JMY: variants seen among roughly 807,000 people sequenced by gnomAD.
JMY encodes the protein junction mediating and regulatory protein, p53 cofactor, also known as junction-mediating and -regulatory protein.
A neutral mutation model predicts 103.3 loss-of-function variants in JMY; 46 were observed. That is an observed-to-expected ratio of 0.45 (90% CI 0.35 to 0.57). The LOEUF (loss-of-function observed/expected upper bound fraction) is 0.57. Ranked by LOEUF, JMY falls within the 20% of genes least tolerant of loss-of-function variation. JMY has a pLI of 0.00. For synonymous variants in JMY, 526 were observed against 489.3 expected (o/e 1.07, Z -0.99); for missense variants, 1,238 against 1,255.2 (o/e 0.99, Z 0.21).
rs192209591 is a variant in JMY, at chr5:79,308,245, C to G, written c.1968+1784C>G. 1.7e-3 allele frequency among the ~76,000 whole-genome samples: 261 copies of G among 152,292 alleles called. 1 individual carries two copies. The highest frequency in any genetic ancestry group is 3.0e-3 in the African/African-American group (126 of 41,562). ...ACAAAGTCCAATTTACCAGCACTTT[C>G]TATCATGGTTCATTCCTTTGGTGTT... On this transcript the variant is annotated intron_variant, in intron 7 of 10. Coordinates refer to ENST00000396137, the MANE Select transcript of JMY (RefSeq NM_152405.5).
intron 2 of JMY, chr5:79,284,385 C>T (rs182733857): frequency 6.8e-6 from 9 of 1,314,300 alleles, no homozygotes; most frequent in Non-Finnish European, 8.7e-6. Flanking sequence ...TCTTTCAAGG[C>T]ATTTGTCTGC....
At chr5:79,286,330 A>T (rs7710834) in intron 2 of JMY, among the ~76,000 whole-genome samples, 3,222 of 152,004 alleles carry the variant, frequency 0.021, 135 homozygotes, top group African/African-American at 0.071. Context: ...TTAAAAAAAA[A>T]TTTTTTTTGC....
intron 7 of JMY, among the ~76,000 whole-genome samples, chr5:79,309,996 C>A (rs1201857277): frequency 6.6e-6 from 1 of 150,726 alleles, no homozygotes; most frequent in Non-Finnish European, 1.5e-5. Context: ...GATCTTTTTC[C>A]CAGATCTATT....
intron 1 of JMY, among the ~76,000 whole-genome samples, chr5:79,247,366 G>A (rs1467075832): frequency 1.3e-5 from 2 of 152,006 alleles, no homozygotes; most frequent in African/African-American, 4.8e-5. Context: ...GTGGTGGCGT[G>A]ATCTCGGTTC....
intron 1 of JMY, among the ~76,000 whole-genome samples, chr5:79,271,696 TCTTC>T (rs2112078631): frequency 6.6e-6 from 1 of 152,354 alleles, no homozygotes; most frequent in Non-Finnish European, 1.5e-5. Context: ...CTGTCAACTT[TCTTC>T]CTTCTTTTTA....
At chr5:79,283,785 T>C (rs1363667097) in intron 2 of JMY, among the ~76,000 whole-genome samples, 1 of 152,196 alleles carries the variant, frequency 6.6e-6, no homozygotes, top group Non-Finnish European at 1.5e-5. Flanking sequence ...GATACACACT[T>C]AAGTTTGAGA....
At chr5:79,290,841 C>T (rs1414884090) in intron 3 of JMY, among the ~76,000 whole-genome samples, 1 of 152,060 alleles carries the variant, frequency 6.6e-6, no homozygotes, top group African/African-American at 2.4e-5. Flanking sequence ...CAAAAATTAG[C>T]CGGGCATGGT....
chr5:79,320,938 C>T (rs1394266479), intron 10 of JMY, among the ~76,000 whole-genome samples: 6 of 152,162 alleles, frequency 3.9e-5, no homozygotes, highest in Middle Eastern at 3.4e-3. Flanking sequence ...ACCAAAACAG[C>T]AAAATTGTAT....
chr5:79,307,905 A>G (rs1746936276), intron 7 of JMY, among the ~76,000 whole-genome samples: 1 of 151,940 alleles, frequency 6.6e-6, no homozygotes, highest in Non-Finnish European at 1.5e-5. Flanking sequence ...CGCCCAGCTA[A>G]TTTTTGTTTT....
At chr5:79,247,532 G>A (rs537331503) in intron 1 of JMY, among the ~76,000 whole-genome samples, 9 of 152,156 alleles carry the variant, frequency 5.9e-5, no homozygotes, top group African/African-American at 2.2e-4. Context: ...GCCCATGCGG[G>A]TCTCAGTCTC....
intron 5 of JMY, 65 bp from the exon 6 acceptor site, chr5:79,300,611 C>A: frequency 1.5e-6 from 2 of 1,318,856 alleles, no homozygotes; most frequent in Non-Finnish European, 1.0e-6. Flanking sequence ...GAGATTAGAA[C>A]CTTGTTCTTT....
chr5:79,318,796 AGAGAGAGG>A (rs1220346647), intron 10 of JMY, among the ~76,000 whole-genome samples: 320 of 21,304 alleles, frequency 0.015, 5 homozygotes, highest in African/African-American at 0.097. Context: ...AGAGAGAGAG[AGAGAGAGG>A]GATGCATATC....
chr5:79,249,042 C>T (rs1744997381), intron 1 of JMY, among the ~76,000 whole-genome samples: 1 of 152,100 alleles, frequency 6.6e-6, no homozygotes, highest in Non-Finnish European at 1.5e-5. Flanking sequence ...AGACTGCAGA[C>T]ATGAGCCACT....
At position 79,321,663 on chromosome 5, in the gene JMY, A is replaced by G. The variant is rs1406621055; in HGVS notation, c.*61A>G. On this transcript the variant is annotated 3_prime_UTR_variant, in exon 11 of 11. Transcript: ENST00000396137. ...TTGGTTCTGATTCTTTTGGAAAATG[A>G]CAGTTTAAGCACTTGGTTCCTCAGT... is the stretch of plus-strand genomic sequence containing the variant. 1 of 152,146 alleles carries G rather than the reference A, an allele frequency of 6.6e-6. No individual in the cohort carries two copies. The highest frequency in any genetic ancestry group is 1.5e-5 in the Non-Finnish European group (1 of 68,030). The allele number at this position is 152,146 out of a possible 1,614,324, so 9.4% of individuals were successfully genotyped here. A position where few individuals can be genotyped will look rare whatever the true frequency, so the allele number is the denominator to read the frequency against.
At chr5:79,310,058 T>C (rs982728323) in intron 7 of JMY, among the ~76,000 whole-genome samples, 1 of 16,696 alleles carries the variant, frequency 6.0e-5, no homozygotes, top group Non-Finnish European at 1.2e-4. Context: ...TTTCTTTTCC[T>C]TTTTTTTTTT....
At chr5:79,249,968 A>C (rs921895300) in intron 1 of JMY, among the ~76,000 whole-genome samples, 1 of 152,182 alleles carries the variant, frequency 6.6e-6, no homozygotes, top group African/African-American at 2.4e-5. Context: ...AAAATGGCAT[A>C]ATAACTATAT....
chr5:79,318,466 A>C (rs1747314318), intron 10 of JMY, among the ~76,000 whole-genome samples: 1 of 152,156 alleles, frequency 6.6e-6, no homozygotes, highest in Non-Finnish European at 1.5e-5. Context: ...AATATTACTG[A>C]AAGCAGTTTC....
chr5:79,244,553 C>T (rs1744832538), intron 1 of JMY, among the ~76,000 whole-genome samples: 1 of 152,110 alleles, frequency 6.6e-6, no homozygotes, highest in Non-Finnish European at 1.5e-5. Flanking sequence ...TCCATTGCTG[C>T]TTCATTTGAC....
Position 79,237,287 on chromosome 5 carries a change from C to T in JMY, c.637C>T (p.Gln213Ter). Residue 213 changes from glutamine to a stop codon, truncating the protein, a stop_gained, in exon 1 of 11, where the codon CAG becomes TAG. Transcript: ENST00000396137. LOFTEE classifies it high-confidence loss of function. ...EAPLALSDAE[Q>*]PPPATELESP... ...ACCTCTGGCGCTCTCGGACGCGGAG[C>T]AGCCGCCGCCCGCCACCGAGCTGGA... 1 of 1,555,114 alleles carries T rather than the reference C, an allele frequency of 6.4e-7. No homozygotes were observed. The highest frequency in any genetic ancestry group is 8.7e-7 in the Non-Finnish European group (1 of 1,149,468).
Sources: gnomAD v4.1 joint callset for allele counts (sites outside exome capture counted in the v4.1 genomes callset) on GRCh38, gnomAD v4.1.1 for gene constraint, MANE v1.5 for transcripts, NCBI Gene and HGNC (gene_info 2026-07-23, HGNC 2026-07-21) for gene names.